Variants in OPA1 observed in about 807,000 individuals in gnomAD.
The protein encoded by OPA1 is dynamin-like GTPase OPA1, mitochondrial.
Under a neutral mutation model 152.9 loss-of-function variants are expected in OPA1, and 59 were observed. That is an observed-to-expected ratio of 0.39 (90% confidence interval 0.31 to 0.48). The LOEUF (loss-of-function observed/expected upper bound fraction) is 0.48, where lower values mean the gene tolerates loss of function less well. Among genes scored for constraint, OPA1 ranks in the 20% least tolerant of loss-of-function variants. The pLI is 0.96. For missense variants in OPA1, 1,008 were observed against 1,216.8 expected (o/e 0.83, Z 2.55); for synonymous variants, 400 against 389.9 (o/e 1.03, Z -0.31).
chr3:193,653,472 G>A (rs987165394), intron 21 of OPA1, among the ~76,000 whole-genome samples: 4 of 152,016 alleles, frequency 2.6e-5, no homozygotes, highest in African/African-American at 9.7e-5. Context: ...CCCCTGATAA[G>A]CAGAGTTTTT....
chr3:193,620,701 A>G (rs1461304547), intron 6 of OPA1, among the ~76,000 whole-genome samples: 1 of 152,178 alleles, frequency 6.6e-6, no homozygotes, highest in East Asian at 1.9e-4. Context: ...AAGTCAAATT[A>G]TAGCAAATGC....
intron 8 of OPA1, among the ~76,000 whole-genome samples, chr3:193,633,641 G>A (rs1006185395): frequency 1.3e-5 from 2 of 152,090 alleles, no homozygotes; most frequent in Non-Finnish European, 2.9e-5. Context: ...ACATTAAAAA[G>A]GGGTAAAAAG....
chr3:193,632,897 G>T (rs948657918), intron 8 of OPA1, among the ~76,000 whole-genome samples: 1 of 152,156 alleles, frequency 6.6e-6, no homozygotes, highest in Non-Finnish European at 1.5e-5. Context: ...GTTAATCTTG[G>T]ATCTCTTTTT....
intron 11 of OPA1, among the ~76,000 whole-genome samples, chr3:193,641,323 C>G (rs1409610303): frequency 6.6e-6 from 1 of 152,140 alleles, no homozygotes; most frequent in South Asian, 2.1e-4. Context: ...ACCCTGAATT[C>G]CAGTTTTTTG....
In OPA1 at chr3:193,598,776, G is replaced by A. The variant is rs370286734; in HGVS notation, c.32+5367G>A. 9.9e-4 allele frequency among the ~76,000 whole-genome samples: 151 copies of A among 152,322 alleles called. 2 individuals carry two copies. In the South Asian group the frequency reaches 0.03, roughly 30 times the overall value. ...CTATTATGCCATTTTAACCGATTAA[G>A]AAACTAAGGCTTTAGAAAATTCATA... On this transcript the variant is annotated intron_variant, in intron 1 of 30. Coordinates refer to ENST00000361510, the MANE Select transcript of OPA1 (RefSeq NM_130837.3).
chr3:193,642,589 A>G (rs1733951974), intron 11 of OPA1, among the ~76,000 whole-genome samples, 176 bp from the exon 12 acceptor site: 1 of 152,176 alleles, frequency 6.6e-6, no homozygotes, highest in Admixed American at 6.5e-5. Context: ...ACAAATACAA[A>G]ATTATTGTCT....
chr3:193,641,985 G>A (rs945112717), intron 11 of OPA1, among the ~76,000 whole-genome samples: 5 of 152,112 alleles, frequency 3.3e-5, no homozygotes, highest in Admixed American at 1.3e-4. Context: ...GTGTGGTGGC[G>A]GGCATCTGTA....
chr3:193,595,574 A>G (rs1400445034), intron 1 of OPA1, among the ~76,000 whole-genome samples: 1 of 152,110 alleles, frequency 6.6e-6, no homozygotes, highest in Non-Finnish European at 1.5e-5. Context: ...TCTTATGACA[A>G]TCTGATTTTT....
Position 193,657,129 on chromosome 3 carries a change from C to G in OPA1, c.2228C>G (p.Pro743Arg), listed in dbSNP as rs746579947. The stretch of plus-strand genomic sequence containing the variant: ...GAATTTTCCCGCTTTATGACAGAAC[C>G]GAAAGGGAAAGAGCATGATGACATA... ...QEEFSRFMTE[P>R]KGKEHDDIFD... Residue 743 changes from proline (P) to arginine (R), a missense_variant, in exon 23 of 31, where the codon CCG (proline) becomes CGG (arginine). By Grantham distance (103) the Pro-to-Arg change is moderately radical (BLOSUM62 -2). Coordinates refer to ENST00000361510, the MANE Select transcript of OPA1 (RefSeq NM_130837.3). 1.2e-6 allele frequency: 2 copies of G among 1,613,564 alleles called. No individual in the cohort carries two copies. Among genetic ancestry groups the G allele is most frequent in the Non-Finnish European group, 1.7e-6 (2 of 1,179,848 alleles).
At chr3:193,675,324 T>TTTTA (rs1718730064) in intron 29 of OPA1, among the ~76,000 whole-genome samples, 1 of 98,596 alleles carries the variant, frequency 1.0e-5, no homozygotes, top group Non-Finnish European at 2.0e-5. Flanking sequence ...TTTTTTTTTT[T>TTTTA]AAGAAAAAAA....
intron 7 of OPA1, 100 bp downstream of exon 7, chr3:193,626,302 G>T (rs976407384): frequency 6.1e-6 from 5 of 823,166 alleles, no homozygotes; most frequent in Non-Finnish European, 8.3e-6. Context: ...CCAAATACAA[G>T]AAATTAATTT....
chr3:193,597,261 G>A (rs777694487), intron 1 of OPA1, among the ~76,000 whole-genome samples: 1 of 152,146 alleles, frequency 6.6e-6, no homozygotes, highest in South Asian at 2.1e-4. Flanking sequence ...CTGCCCAGGG[G>A]AGAGGAATTT....
At chr3:193,644,194 C>A in intron 16 of OPA1, 89 bp downstream of exon 16, 2 of 1,465,820 alleles carry the variant, frequency 1.4e-6, no homozygotes, top group African/African-American at 1.4e-5. Context: ...ACAACAACAA[C>A]AACAAAAAAA....
At chr3:193,638,137 T>C (rs1733220708) in intron 11 of OPA1, 72 bp downstream of exon 11, 1 of 1,051,852 alleles carries the variant, frequency 9.5e-7, no homozygotes, top group Non-Finnish European at 1.5e-6. Flanking sequence ...TTCATTGTGT[T>C]GAAATGAGGA....
At chr3:193,604,860 C>CAAAAAAAAAAAAAAAAAAAAA (rs55904490) in intron 1 of OPA1, among the ~76,000 whole-genome samples, 3 of 104,580 alleles carry the variant, frequency 2.9e-5, no homozygotes, top group East Asian at 3.1e-4. Context: ...AACTCCATCT[C>CAAAAAAAAAAAAAAAAAAAAA]AAAAAAAAAA....
chr3:193,676,963 A>G (rs1188879777), intron 29 of OPA1, among the ~76,000 whole-genome samples: 1 of 141,700 alleles, frequency 7.1e-6, no homozygotes, highest in Non-Finnish European at 1.5e-5. Context: ...CCTGGGTGAC[A>G]GAGCAAGACT....
At chr3:193,595,489 A>G (rs1170948320) in intron 1 of OPA1, among the ~76,000 whole-genome samples, 1 of 152,232 alleles carries the variant, frequency 6.6e-6, no homozygotes, top group African/African-American at 2.4e-5. Context: ...TCTATATTCA[A>G]AATTCTTTTC....
intron 6 of OPA1, among the ~76,000 whole-genome samples, chr3:193,620,714 C>T (rs1202318367): frequency 4.6e-5 from 7 of 152,104 alleles, no homozygotes; most frequent in Admixed American, 3.9e-4. Context: ...GCAAATGCTA[C>T]TATAAAAATT....
At chr3:193,628,120 T>C (rs1448709998) in intron 7 of OPA1, among the ~76,000 whole-genome samples, 1 of 152,176 alleles carries the variant, frequency 6.6e-6, no homozygotes, top group Admixed American at 6.5e-5. Flanking sequence ...TCCTAATTCA[T>C]GAGATTTTTA....
Sources: gnomAD v4.1 joint callset for allele counts (sites outside exome capture counted in the v4.1 genomes callset) on GRCh38, gnomAD v4.1.1 for gene constraint, MANE v1.5 for transcripts, NCBI Gene and HGNC (gene_info 2026-07-23, HGNC 2026-07-21) for gene names.